USP6: variants seen among roughly 807,000 people sequenced by gnomAD.
USP6 encodes the protein ubiquitin specific peptidase 6, also known as ubiquitin carboxyl-terminal hydrolase 6.
In USP6, 128 loss-of-function variants were observed where a neutral mutation model predicts 175.7. The ratio of observed to expected loss-of-function variants is 0.73; its 90% CI spans 0.63 to 0.84. The LOEUF (loss-of-function observed/expected upper bound fraction) is 0.84. Ranked by LOEUF, USP6 falls within the 40% of genes least tolerant of loss-of-function variation. The pLI is 0.00. For synonymous variants in USP6, 562 were observed against 630.6 expected (o/e 0.89, Z 1.63); for missense variants, 1,498 against 1,760.3 (o/e 0.85, Z 2.67).
At chr17:5,131,121 T>C (rs985739168) in intron 11 of USP6, among the ~76,000 whole-genome samples, 3 of 150,734 alleles carry the variant, frequency 2.0e-5, no homozygotes, top group Non-Finnish European at 4.4e-5. Flanking sequence ...CCTCCTCCAT[T>C]TCCCTAGAGC....
At chr17:5,122,510 G>A (rs1304060866) in intron 4 of USP6, among the ~76,000 whole-genome samples, 4 of 152,222 alleles carry the variant, frequency 2.6e-5, no homozygotes, top group South Asian at 2.1e-4. Flanking sequence ...CAAGCGGCCC[G>A]GCGGTCCTCT....
At chr17:5,123,148 G>C (rs975123249) in intron 4 of USP6, 4 of 153,658 alleles carry the variant, frequency 2.6e-5, no homozygotes, top group African/African-American at 9.7e-5. Flanking sequence ...GGCGCTGGCA[G>C]TGGCTGGGCG....
Position 5,172,876 on chromosome 17 carries a change from C to G in USP6, c.4119C>G (p.Tyr1373Ter), listed in dbSNP as rs151003139. Residue 1373 changes from tyrosine (Y) to a stop codon, truncating the protein, a stop_gained, in exon 38 of 38, where the codon TAC becomes TAG. Transcript: ENST00000574788. LOFTEE classifies it high-confidence loss of function. ...ILFYEQQGIDYAQFLPKIDGK... is the reference protein window; with the variant it reads ...ILFYEQQGID ...TCTATGAGCAGCAGGGGATAGACTA[C>G]GCACAATTTCTGCCAAAGATTGATG... 1.3e-5 allele frequency: 21 copies of G among 1,613,850 alleles called. No homozygotes were observed. The highest frequency in any genetic ancestry group is 1.7e-5 in the Non-Finnish European group (20 of 1,179,876).
intron 23 of USP6, 91 bp from the exon 24 acceptor site, chr17:5,141,912 T>C (rs1211617405): frequency 6.6e-7 from 1 of 1,510,426 alleles, no homozygotes; most frequent in East Asian, 2.3e-5. Context: ...TTATGAGAGT[T>C]ATAAAAAATC....
intron 9 of USP6, 72 bp from the exon 10 acceptor site, chr17:5,130,295 C>T (rs563992455): frequency 3.9e-5 from 58 of 1,498,218 alleles, no homozygotes; most frequent in African/African-American, 3.4e-4. Context: ...TCTGGGAGCC[C>T]GGTGGGAGCG....
chr17:5,165,412 C>G (rs1179338460), intron 33 of USP6, among the ~76,000 whole-genome samples: 3 of 152,068 alleles, frequency 2.0e-5, no homozygotes, highest in Non-Finnish European at 2.9e-5. Flanking sequence ...GTCACCCTGT[C>G]TTTACAAAAA....
At chr17:5,126,466 G>C (rs1174685157) in intron 6 of USP6, among the ~76,000 whole-genome samples, 1 of 152,134 alleles carries the variant, frequency 6.6e-6, no homozygotes, top group Non-Finnish European at 1.5e-5. Context: ...GCAGGCAGAA[G>C]ACTTTATTGT....
chr17:5,140,801 C>G (rs1045009240), intron 22 of USP6, among the ~76,000 whole-genome samples: 3 of 152,154 alleles, frequency 2.0e-5, no homozygotes, highest in Non-Finnish European at 4.4e-5. Context: ...GAGCTGATTA[C>G]TCATACACAA....
chr17:5,172,191 A>T (rs1273084391), intron 37 of USP6, among the ~76,000 whole-genome samples: 1 of 150,084 alleles, frequency 6.7e-6, no homozygotes, highest in Non-Finnish European at 1.5e-5. Context: ...AAAAAAAAAA[A>T]GTAGTTAGTT....
chr17:5,151,862 G>A (rs898347070), intron 30 of USP6, among the ~76,000 whole-genome samples: 4 of 152,108 alleles, frequency 2.6e-5, no homozygotes, highest in African/African-American at 9.7e-5. Flanking sequence ...GCAAAACAAT[G>A]AAACAGCCCT....
chr17:5,151,290 G>T (rs2073763312), intron 30 of USP6, among the ~76,000 whole-genome samples: 1 of 152,202 alleles, frequency 6.6e-6, no homozygotes, highest in African/African-American at 2.4e-5. Context: ...ATAAAATATT[G>T]ATAGAAATTA....
intron 4 of USP6, chr17:5,123,022 C>T (rs2072746590): frequency 6.5e-6 from 1 of 153,312 alleles, no homozygotes; most frequent in African/African-American, 2.4e-5. Context: ...CGTCTTCTGG[C>T]AGCTTGGTGG....
chr17:5,161,781 C>T (rs1217080329), intron 32 of USP6, among the ~76,000 whole-genome samples, 167 bp downstream of exon 32: 3 of 152,106 alleles, frequency 2.0e-5, no homozygotes, highest in East Asian at 1.9e-4. Context: ...TTTGAGAAGC[C>T]GAGGCGGGTG....
chr17:5,145,887 T>C, intron 27 of USP6, 136 bp from the exon 28 acceptor site: 5 of 1,272,026 alleles, frequency 3.9e-6, no homozygotes, highest in Non-Finnish European at 5.1e-6. Context: ...TCTGTTTTAG[T>C]GTTTACCCAT....
chr17:5,137,830 T>C lies in USP6; in HGVS notation c.925+80T>C, dbSNP rs997270320. ...TGGCCCAAGGGCAGCTTCCTCACACTGTCCTCATGATCCTCTGTTCTGGCC... is the reference window on the plus strand; with the variant it reads ...TGGCCCAAGGGCAGCTTCCTCACACCGTCCTCATGATCCTCTGTTCTGGCC... On this transcript the variant is annotated intron_variant, in intron 20 of 37. Coordinates refer to ENST00000574788, the MANE Select transcript of USP6 (RefSeq NM_001304284.2). 100 of 1,593,816 alleles carry C rather than the reference T, an allele frequency of 6.3e-5. No individual in the cohort carries two copies. The Admixed American group carries it at 1.6e-3, about 26-fold the overall frequency.
intron 4 of USP6, among the ~76,000 whole-genome samples, chr17:5,123,340 G>C (rs955289132): frequency 1.5e-4 from 23 of 152,006 alleles, no homozygotes; most frequent in African/African-American, 5.3e-4. Flanking sequence ...GCCCGGGCAC[G>C]GCCTGGCCCG....
chr17:5,148,645 C>A lies in USP6; in HGVS notation c.2521C>A (p.Pro841Thr). The change falls in exon 30 of 38, where the codon CCA becomes ACA. Residue 841 changes from proline to threonine, a missense_variant. Pro to Thr is a conservative substitution (Grantham distance 38). This residue lies in a region of USP6 where 1,217 missense variants were observed against 1,500.8 expected (regional missense o/e 0.81). Transcript: ENST00000574788. Reference protein sequence around the residue: ...PKPIFIPNGMPNTVVPCGTEK... With the variant: ...PKPIFIPNGMTNTVVPCGTEK... ...ACCAATATTCATCCCCAATGGAATGCCAAACACTGTTGTGCCATGTGGAAC... is the reference window on the plus strand; with the variant it reads ...ACCAATATTCATCCCCAATGGAATGACAAACACTGTTGTGCCATGTGGAAC... 3 of 1,613,932 alleles carry A rather than the reference C, an allele frequency of 1.9e-6. No individual in the cohort carries two copies. The highest frequency in any genetic ancestry group is 2.5e-6 in the Non-Finnish European group (3 of 1,179,854).
At chr17:5,131,488 G>A (rs11652391) in intron 11 of USP6, among the ~76,000 whole-genome samples, 21,335 of 147,976 alleles carry the variant, frequency 0.14, 1,776 homozygotes, top group Middle Eastern at 0.2. Flanking sequence ...CAGCCTCAGG[G>A]CTGTTGTCCA....
chr17:5,135,378 A>G (rs1485826926), intron 16 of USP6, 96 bp downstream of exon 16: 6 of 1,470,940 alleles, frequency 4.1e-6, no homozygotes, highest in Non-Finnish European at 5.7e-6. Flanking sequence ...TAAAGTTGGT[A>G]TTTGTGACTC....
Sources: allele counts gnomAD v4.1 joint callset (sites outside exome capture counted in the v4.1 genomes callset), GRCh38; gene constraint gnomAD v4.1.1; regional missense constraint gnomAD v4.1.1; transcripts MANE v1.5; gene names NCBI Gene and HGNC (gene_info 2026-07-23, HGNC 2026-07-21).